Variants in CSMD1 observed in about 807,000 individuals in gnomAD.
The protein encoded by CSMD1 is CUB and sushi domain-containing protein 1.
A neutral mutation model predicts 417.5 loss-of-function variants in CSMD1; 213 were observed. The observed-to-expected ratio is 0.51, with a 90% CI of 0.46 to 0.57. The LOEUF is 0.57. Ranked by LOEUF, CSMD1 falls within the 20% of genes least tolerant of loss-of-function variation. CSMD1 has a pLI of 0.00. For missense variants in CSMD1, 6,923 were observed against 4,529.7 expected, an observed-to-expected ratio of 1.53 and a Z score of -15.17; for synonymous variants, 2,862 against 1,736.8, an observed-to-expected ratio of 1.65 and a Z score of -16.11.
chr8:3,283,263 T>C (rs1048461179), intron 26 of CSMD1, among the ~76,000 whole-genome samples: 1 of 152,138 alleles, frequency 6.6e-6, no homozygotes, highest in Non-Finnish European at 1.5e-5. Flanking sequence ...GCAGGTTGTT[T>C]GCAGAGAGAC....
chr8:4,735,078 A>G (rs892859589), intron 1 of CSMD1, among the ~76,000 whole-genome samples: 3 of 152,226 alleles, frequency 2.0e-5, no homozygotes, highest in Admixed American at 6.5e-5. Flanking sequence ...GCTGCTCGTT[A>G]AAATTTGGGA....
chr8:3,841,581 C>G (rs950278463), intron 5 of CSMD1, among the ~76,000 whole-genome samples: 1 of 151,918 alleles, frequency 6.6e-6, no homozygotes, highest in Non-Finnish European at 1.5e-5. Context: ...ACAAAATCAC[C>G]AAATATTAGC....
chr8:4,725,836 G>A (rs987517244), intron 1 of CSMD1, among the ~76,000 whole-genome samples: 8 of 152,098 alleles, frequency 5.3e-5, no homozygotes, highest in Admixed American at 4.6e-4. Flanking sequence ...TTCACGACGT[G>A]GCTAAAGGAG....
intron 1 of CSMD1, among the ~76,000 whole-genome samples, chr8:4,791,084 G>T (rs1453228650): frequency 6.6e-6 from 1 of 152,002 alleles, no homozygotes; most frequent in Non-Finnish European, 1.5e-5. Flanking sequence ...GAGAGACGGT[G>T]AGAGAGACGG....
intron 3 of CSMD1, among the ~76,000 whole-genome samples, chr8:4,408,963 G>C (rs1186013836): frequency 1.3e-5 from 2 of 152,154 alleles, no homozygotes; most frequent in South Asian, 4.1e-4. Context: ...AATTCAGAAA[G>C]GGAAATGAAC....
At chr8:3,352,030 G>A (rs888028705) in intron 21 of CSMD1, among the ~76,000 whole-genome samples, 1 of 151,880 alleles carries the variant, frequency 6.6e-6, no homozygotes, top group African/African-American at 2.4e-5. Context: ...AAGTCAATAA[G>A]AAAATATGAT....
intron 5 of CSMD1, among the ~76,000 whole-genome samples, chr8:3,755,029 C>G (rs552256125): frequency 1.3e-5 from 2 of 152,354 alleles, no homozygotes; most frequent in African/African-American, 4.8e-5. Context: ...ATCCATTTCA[C>G]TTTACAACGT....
intron 32 of CSMD1, among the ~76,000 whole-genome samples, chr8:3,200,064 C>T (rs774050638): frequency 6.6e-6 from 1 of 151,972 alleles, no homozygotes. Context: ...TTGAAGAAAG[C>T]ACCAATGGTA....
At chr8:3,526,776 C>A (rs564974162) in intron 10 of CSMD1, among the ~76,000 whole-genome samples, 1 of 152,236 alleles carries the variant, frequency 6.6e-6, no homozygotes, top group African/African-American at 2.4e-5. Flanking sequence ...GTAAAACACA[C>A]TTCCTAGTAT....
At chr8:3,285,662 G>C (rs1026129438) in intron 25 of CSMD1, among the ~76,000 whole-genome samples, 2 of 151,884 alleles carry the variant, frequency 1.3e-5, no homozygotes, top group African/African-American at 2.4e-5. Flanking sequence ...GCCTCCCAAA[G>C]TGCTGTGATT....
intron 1 of CSMD1, among the ~76,000 whole-genome samples, chr8:4,848,444 C>T (rs946805673): frequency 8.5e-5 from 13 of 152,118 alleles, no homozygotes; most frequent in Non-Finnish European, 1.6e-4. Context: ...TAACGCAGTG[C>T]ATTACTCATG....
At chr8:3,458,414 G>A (rs1034072109) in intron 12 of CSMD1, among the ~76,000 whole-genome samples, 1 of 152,040 alleles carries the variant, frequency 6.6e-6, no homozygotes, top group African/African-American at 2.4e-5. Context: ...AAGAGTCAAT[G>A]GGTCTTCTGA....
intron 1 of CSMD1, among the ~76,000 whole-genome samples, chr8:4,824,612 G>C (rs986277832): frequency 4.6e-5 from 7 of 152,220 alleles, no homozygotes; most frequent in Middle Eastern, 3.4e-3. Flanking sequence ...TAGTTGATGA[G>C]GTCTGTGTAT....
intron 3 of CSMD1, among the ~76,000 whole-genome samples, chr8:4,318,299 G>A (rs1457115795): frequency 6.6e-6 from 1 of 151,978 alleles, no homozygotes; most frequent in Non-Finnish European, 1.5e-5. Context: ...TCTAATCTTT[G>A]CAGACAAAAT....
intron 10 of CSMD1, among the ~76,000 whole-genome samples, chr8:3,531,554 G>C (rs1240335383): frequency 6.6e-6 from 1 of 152,170 alleles, no homozygotes; most frequent in South Asian, 2.1e-4. Context: ...GAAGTTCTGG[G>C]AGCCCTGCCA....
intron 52 of CSMD1, among the ~76,000 whole-genome samples, chr8:3,009,387 G>A (rs552997253): frequency 1.3e-4 from 20 of 152,306 alleles, no homozygotes; most frequent in African/African-American, 4.3e-4. Flanking sequence ...TGGGCCTGTA[G>A]GGGAATACAA....
At chr8:4,057,659 A>T (rs61533700) in intron 3 of CSMD1, among the ~76,000 whole-genome samples, 2 of 85,698 alleles carry the variant, frequency 2.3e-5, no homozygotes, top group African/African-American at 7.1e-5. Flanking sequence ...GGGTTTTTAT[A>T]GTTTTAGGTG....
At position 3,488,787 on chromosome 8, in the gene CSMD1, T is replaced by C. The variant is rs75969432; in HGVS notation, c.1448+4836A>G. On this transcript the variant is annotated intron_variant, in intron 11 of 69. Coordinates refer to ENST00000635120, the MANE Select transcript of CSMD1 (RefSeq NM_033225.6). ...TTCAAACAGTTGAGTCTGTCTATACTGTCACTGGCATTCAGGCTCAAAGGC... is the reference window on the plus strand; with the variant it reads ...TTCAAACAGTTGAGTCTGTCTATACCGTCACTGGCATTCAGGCTCAAAGGC... Among the ~76,000 whole-genome samples the C allele has an allele frequency of 8.5e-3, 1,296 of 152,316 alleles. 15 individuals are homozygous for C. The highest frequency in any genetic ancestry group is 0.01 in the Non-Finnish European group (708 of 68,022).
chr8:4,914,419 T>C (rs1013164014), intron 1 of CSMD1, among the ~76,000 whole-genome samples: 2 of 151,214 alleles, frequency 1.3e-5, no homozygotes, highest in Admixed American at 1.3e-4. Context: ...CACTAAAAAA[T>C]ACAAAAAAAT....
Sources: gnomAD v4.1 joint callset for allele counts (sites outside exome capture counted in the v4.1 genomes callset) on GRCh38, gnomAD v4.1.1 for gene constraint, MANE v1.5 for transcripts, NCBI Gene and HGNC (gene_info 2026-07-23, HGNC 2026-07-21) for gene names.